The following SF3B1 variants were observed in gnomAD, a reference collection of about 807,000 sequenced individuals.
The protein encoded by SF3B1 is splicing factor 3b subunit 1, also known as pre-mRNA processing 10.
In SF3B1, 12 loss-of-function variants were observed where a neutral mutation model predicts 153.8. The observed-to-expected ratio is 0.08, with a 90% CI of 0.05 to 0.13. The LOEUF is 0.13. SF3B1 is among the 10% of genes least tolerant of loss of function. The pLI, the probability that SF3B1 is intolerant of heterozygous loss-of-function variation, is 1.00. For synonymous variants in SF3B1, 498 were observed against 525.2 expected, an observed-to-expected ratio of 0.95 and a Z score of 0.71; for missense variants, 513 against 1,606.1, an observed-to-expected ratio of 0.32 and a Z score of 11.63.
rs1355651160 is a variant in SF3B1 at position 197,401,278 on chromosome 2, A to C, written c.2496+122T>G. On this transcript the variant is annotated intron_variant, in intron 17 of 24. Coordinates refer to ENST00000335508, the MANE Select transcript of SF3B1 (RefSeq NM_012433.4). The surrounding 1 kb of genome is among the most constrained non-coding windows in gnomAD (Gnocchi z 4.2). The stretch of plus-strand genomic sequence containing the variant: ...CTGACTAAAATCCATCTCCTTTCAT[A>C]ATCAAGCACATATAAACTGTGAGAT... The C allele has an allele frequency of 3.4e-6, 3 of 894,570 alleles. No individual in the cohort carries two copies. Among genetic ancestry groups the C allele is most frequent in the Admixed American group, 2.6e-5 (1 of 37,892 alleles). 55.4% of individuals were successfully genotyped at this position (894,570 alleles called of 1,614,324 possible).
At chr2:197,416,611 A>T in intron 6 of SF3B1, 130 bp downstream of exon 6, 2 of 785,720 alleles carry the variant, frequency 2.5e-6, no homozygotes, top group Non-Finnish European at 2.0e-6. Flanking sequence ...AGAACTGCGA[A>T]AAAAATCAAT....
At chr2:197,399,664 G>A (rs1268058199) in intron 20 of SF3B1, among the ~76,000 whole-genome samples, 1 of 151,968 alleles carries the variant, frequency 6.6e-6, no homozygotes, top group Non-Finnish European at 1.5e-5. Context: ...CTAATTCAAG[G>A]TTTAAATATA....
chr2:197,415,988 T>A (rs1310310057), intron 6 of SF3B1, among the ~76,000 whole-genome samples: 1 of 151,308 alleles, frequency 6.6e-6, no homozygotes, highest in Non-Finnish European at 1.5e-5. Context: ...CTAATTTTTT[T>A]TTTTTTTTTT....
At chr2:197,427,249 G>A (rs1053418130) in intron 1 of SF3B1, among the ~76,000 whole-genome samples, 1 of 152,182 alleles carries the variant, frequency 6.6e-6, no homozygotes, top group Non-Finnish European at 1.5e-5. Context: ...ATCCTAAGGT[G>A]AGTATATTAC....
chr2:197,433,837 G>C (rs530667784), intron 1 of SF3B1, among the ~76,000 whole-genome samples: 1 of 152,330 alleles, frequency 6.6e-6, no homozygotes, highest in Non-Finnish European at 1.5e-5. Context: ...CTCAGGCTCA[G>C]ATGTCCTTCC....
chr2:197,418,611 GA>G (rs753210212), intron 4 of SF3B1, 23 bp from the exon 5 acceptor site: 2 of 1,599,952 alleles, frequency 1.3e-6, no homozygotes, highest in Admixed American at 1.7e-5. Context: ...ACAGCAACAG[GA>G]AAAAGAGTAC....
rs977404997 is a variant in SF3B1, at chr2:197,434,956, G to A, written c.28+16C>T. The A allele has an allele frequency of 9.9e-6, 16 of 1,613,392 alleles. No homozygotes were observed. Among genetic ancestry groups the A allele is most frequent in the African/African-American group, 1.3e-5 (1 of 74,940 alleles). ...TAGCAACGAAGAAAACACGTAAGCA[G>A]GGAAAGACCGCTTACCTTCGTGAGT... On this transcript the variant is annotated intron_variant, in intron 1 of 24. Transcript: ENST00000335508.
intron 6 of SF3B1, 38 bp downstream of exon 6, chr2:197,416,702 AT>A (rs748194194): frequency 1.3e-6 from 2 of 1,583,046 alleles, no homozygotes; most frequent in Non-Finnish European, 1.7e-6. Context: ...ACAGAAAAAA[AT>A]TTTTTAACAG....
intron 1 of SF3B1, among the ~76,000 whole-genome samples, chr2:197,424,510 AC>A (rs1347796815): frequency 6.1e-5 from 9 of 147,884 alleles, no homozygotes; most frequent in African/African-American, 2.3e-4. Context: ...AAAAAAAAAA[AC>A]CGTGACAAAA....
chr2:197,431,322 G>T lies in SF3B1; in HGVS notation c.28+3650C>A, dbSNP rs541044737. On this transcript the variant is annotated intron_variant, in intron 1 of 24. Transcript: ENST00000335508. Reference sequence around the variant, plus strand: ...TTTAGTAGAGAGGGGGTTTCACCACGTTGGCCAGGCTGGTCTGGAACTCCT... The same window carrying T: ...TTTAGTAGAGAGGGGGTTTCACCACTTTGGCCAGGCTGGTCTGGAACTCCT... Among the ~76,000 whole-genome samples the T allele has an allele frequency of 9.0e-4, 137 of 152,014 alleles. 3 individuals are homozygous for T. The South Asian group carries it at 0.028, about 31-fold the overall frequency.
At chr2:197,431,988 G>A (rs912639934) in intron 1 of SF3B1, among the ~76,000 whole-genome samples, 1 of 152,024 alleles carries the variant, frequency 6.6e-6, no homozygotes, top group Admixed American at 6.6e-5. Flanking sequence ...AGCCAGGCAT[G>A]GTAGCACACG....
chr2:197,432,532 A>T (rs1475488097), intron 1 of SF3B1, among the ~76,000 whole-genome samples: 1 of 152,234 alleles, frequency 6.6e-6, no homozygotes, highest in Admixed American at 6.5e-5. Flanking sequence ...GGTAAAATAT[A>T]ATCAGATTGG....
intron 1 of SF3B1, among the ~76,000 whole-genome samples, chr2:197,434,637 G>A (rs1050980756): frequency 7.9e-5 from 12 of 152,308 alleles, no homozygotes; most frequent in East Asian, 1.9e-4. Context: ...CGAGAGGCGA[G>A]TGAGACCTTC....
At chr2:197,427,442 A>G (rs190245335) in intron 1 of SF3B1, among the ~76,000 whole-genome samples, 69 of 152,346 alleles carry the variant, frequency 4.5e-4, no homozygotes, top group African/African-American at 1.6e-3. Context: ...GATTCCATAA[A>G]ACTCAGCAGC....
At chr2:197,399,342 CTA>C (rs1482270050) in intron 20 of SF3B1, among the ~76,000 whole-genome samples, 3 of 152,116 alleles carry the variant, frequency 2.0e-5, no homozygotes, top group Non-Finnish European at 4.4e-5. Context: ...TCACAGTCAG[CTA>C]TTTTGACTTC....
At chr2:197,396,381 T>C (rs1233524965) in intron 22 of SF3B1, 53 bp from the exon 23 acceptor site, 6 of 1,477,906 alleles carry the variant, frequency 4.1e-6, no homozygotes, top group Non-Finnish European at 4.6e-6. Flanking sequence ...CAAAAATTTA[T>C]GGAAGAAAAA....
At chr2:197,405,199 G>A (rs1417961452) in intron 10 of SF3B1, 22 bp from the exon 11 acceptor site, 1 of 1,598,074 alleles carries the variant, frequency 6.3e-7, no homozygotes, top group South Asian at 1.1e-5. Context: ...AGAAAAAAAT[G>A]TTAAGGGAAG....
At chr2:197,411,834 A>T (rs1431347399) in intron 6 of SF3B1, among the ~76,000 whole-genome samples, 10 of 152,126 alleles carry the variant, frequency 6.6e-5, no homozygotes, top group Admixed American at 6.5e-4. Flanking sequence ...ATGGTGGTTC[A>T]TGCCTGTAAT....
At chr2:197,418,234 C>CAAAAACAAA (rs2085183357) in intron 5 of SF3B1, among the ~76,000 whole-genome samples, 1 of 36,366 alleles carries the variant, frequency 2.7e-5, no homozygotes, top group African/African-American at 8.2e-5. Context: ...AGACTGTGTC[C>CAAAAACAAA]AAAAAAAAAA....
Sources: gnomAD v4.1 joint callset for allele counts (sites outside exome capture counted in the v4.1 genomes callset) on GRCh38, gnomAD v4.1.1 for gene constraint, Gnocchi (gnomAD v3.1) non-coding constraint, MANE v1.5 for transcripts, NCBI Gene and HGNC (gene_info 2026-07-23, HGNC 2026-07-21) for gene names.